The following DOCK4 variants were observed in gnomAD, a reference collection of about 807,000 sequenced individuals.
DOCK4 encodes dedicator of cytokinesis 4.
In DOCK4, 97 loss-of-function variants were observed where a neutral mutation model predicts 268.1. That is an observed-to-expected ratio of 0.36 (90% CI 0.31 to 0.43). The LOEUF (loss-of-function observed/expected upper bound fraction) is 0.43. DOCK4 is among the 20% of genes least tolerant of loss of function. The pLI, the probability that DOCK4 is intolerant of heterozygous loss-of-function variation, is 1.00. For missense variants in DOCK4, 2,145 were observed against 2,455.7 expected (o/e 0.87, Z 2.67); for synonymous variants, 954 against 887.2 (o/e 1.08, Z -1.34).
chr7:112,181,576 A>C (rs1211310385), intron 1 of DOCK4, among the ~76,000 whole-genome samples: 3 of 145,930 alleles, frequency 2.1e-5, no homozygotes, highest in African/African-American at 7.6e-5. Context: ...GGAGTTCCAG[A>C]CTGCAGTGAG....
chr7:111,858,719 C>T (rs1332452443), intron 23 of DOCK4, among the ~76,000 whole-genome samples: 1 of 152,074 alleles, frequency 6.6e-6, no homozygotes, highest in South Asian at 2.1e-4. Flanking sequence ...TATGAGATTT[C>T]TCAGCCTCTA....
intron 12 of DOCK4, among the ~76,000 whole-genome samples, chr7:111,931,906 C>T (rs1794234306): frequency 4.6e-5 from 7 of 152,142 alleles, no homozygotes; most frequent in Admixed American, 4.6e-4. Flanking sequence ...GGACATCCTG[C>T]TTGCAGAGAA....
chr7:111,856,634 G>C (rs1805037919), intron 23 of DOCK4, among the ~76,000 whole-genome samples: 2 of 152,198 alleles, frequency 1.3e-5, no homozygotes, highest in Non-Finnish European at 2.9e-5. Flanking sequence ...TAAACTTTCA[G>C]CAAGTGCTTT....
At chr7:111,740,980 T>A in intron 47 of DOCK4, 114 bp downstream of exon 47, 1 of 1,320,468 alleles carries the variant, frequency 7.6e-7, no homozygotes, top group Non-Finnish European at 1.0e-6. Context: ...GGTTTGTCCT[T>A]AAGCCAAGTT....
intron 8 of DOCK4, among the ~76,000 whole-genome samples, chr7:111,956,652 A>T (rs1333452947): frequency 6.6e-6 from 1 of 152,198 alleles, no homozygotes; most frequent in South Asian, 2.1e-4. Flanking sequence ...TGAGATGAAT[A>T]CATAATTGAC....
intron 34 of DOCK4, 86 bp from the exon 35 acceptor site, chr7:111,783,010 GAAAGAAAGA>G: frequency 1.9e-6 from 1 of 526,392 alleles, no homozygotes; most frequent in Non-Finnish European, 2.8e-6. Flanking sequence ...AAAAAAGAAA[GAAAGAAAGA>G]AAAAAAAAAA....
intron 1 of DOCK4, among the ~76,000 whole-genome samples, chr7:112,187,838 G>A (rs917749407): frequency 1.3e-5 from 2 of 151,988 alleles, no homozygotes; most frequent in Non-Finnish European, 2.9e-5. Flanking sequence ...TGACAGCTAA[G>A]TGCAATATTA....
chr7:112,145,088 G>A (rs1470653177), intron 1 of DOCK4, among the ~76,000 whole-genome samples: 1 of 152,158 alleles, frequency 6.6e-6, no homozygotes, highest in Admixed American at 6.6e-5. Context: ...GAGGAAAGTT[G>A]CAGGTGGTTC....
rs867277352 is a variant in DOCK4 at position 112,066,702 on chromosome 7, T to C, written c.38-62571A>G. Among the ~76,000 whole-genome samples, 133 of 44,394 alleles carry C rather than the reference T, an allele frequency of 3.0e-3. 3 individuals carry two copies. Among genetic ancestry groups the C allele is most frequent in the African/African-American group, 8.4e-3 (106 of 12,592 alleles). The allele number at this position is 44,394 out of a possible 152,430, so 29.1% of individuals were successfully genotyped here. On this transcript the variant is annotated intron_variant, in intron 1 of 52. Coordinates refer to ENST00000428084, the MANE Select transcript of DOCK4 (RefSeq NM_001363540.2). ...ATATATACATATACATATATATATATATATATATATATATATATATATATA... is the reference window on the plus strand; with the variant it reads ...ATATATACATATACATATATATATACATATATATATATATATATATATATA...
chr7:111,806,517 C>T (rs994209723), intron 30 of DOCK4, among the ~76,000 whole-genome samples: 2 of 152,172 alleles, frequency 1.3e-5, no homozygotes, highest in African/African-American at 2.4e-5. Context: ...GCTGACCCTA[C>T]GCTTGAACCA....
At chr7:111,875,177 G>A (rs900636843) in intron 17 of DOCK4, among the ~76,000 whole-genome samples, 4 of 152,008 alleles carry the variant, frequency 2.6e-5, no homozygotes, top group African/African-American at 7.3e-5. Context: ...ACACTTATCC[G>A]TCTCCAAAGA....
chr7:111,763,094 A>G (rs758233854), intron 39 of DOCK4, among the ~76,000 whole-genome samples: 8 of 150,972 alleles, frequency 5.3e-5, no homozygotes, highest in African/African-American at 7.4e-5. Flanking sequence ...ATGAGGGGAA[A>G]AATCCCTACT....
At chr7:111,971,855 G>T in intron 8 of DOCK4, 1 of 272,594 alleles carries the variant, frequency 3.7e-6, no homozygotes, top group East Asian at 1.1e-4. Flanking sequence ...CACAAAGCCA[G>T]GGAGGTCCCT....
Position 111,895,665 on chromosome 7 carries a change from G to A in DOCK4, c.1534C>T (p.Gln512Ter). The A allele has an allele frequency of 6.2e-7, 1 of 1,613,866 alleles. No homozygotes were observed. The highest frequency in any genetic ancestry group is 8.5e-7 in the Non-Finnish European group (1 of 1,179,862). Reference protein sequence around the residue: ...LFGFSFVPLMQEDGRTLPDGT... With the variant: ...LFGFSFVPLM ...TCTGGAAGAGTCCTACCATCTTCTT[G>A]CATCAGAGGGACAAAAGAAAACCCA... Residue 512 changes from glutamine (Q) to a stop codon, truncating the protein, a stop_gained, in exon 16 of 53, where the codon CAA becomes TAA. Coordinates refer to ENST00000428084, the MANE Select transcript of DOCK4 (RefSeq NM_001363540.2). LOFTEE classifies it high-confidence loss of function.
At chr7:112,094,421 G>T (rs965007052) in intron 1 of DOCK4, among the ~76,000 whole-genome samples, 4 of 152,138 alleles carry the variant, frequency 2.6e-5, no homozygotes, top group African/African-American at 9.7e-5. Flanking sequence ...CAAAAATTTT[G>T]AGTTTACATC....
At chr7:111,751,241 T>C (rs1185741596) in intron 42 of DOCK4, among the ~76,000 whole-genome samples, 1 of 152,186 alleles carries the variant, frequency 6.6e-6, no homozygotes, top group Non-Finnish European at 1.5e-5. Context: ...ACATGTTATA[T>C]GACTTCACTG....
At chr7:111,869,171 T>C (rs1325671413) in intron 21 of DOCK4, among the ~76,000 whole-genome samples, 2 of 152,192 alleles carry the variant, frequency 1.3e-5, no homozygotes, top group African/African-American at 4.8e-5. Flanking sequence ...TAATCCCCGC[T>C]AAGCCACCCT....
At chr7:112,177,400 A>G (rs1818628936) in intron 1 of DOCK4, among the ~76,000 whole-genome samples, 1 of 152,256 alleles carries the variant, frequency 6.6e-6, no homozygotes, top group Non-Finnish European at 1.5e-5. Flanking sequence ...TTAGCCTGAT[A>G]CCTGGCAAAC....
Position 111,843,926 on chromosome 7 carries a change from A to G in DOCK4, c.2736+837T>C, listed in dbSNP as rs192922343. 2.4e-3 allele frequency among the ~76,000 whole-genome samples: 371 copies of G among 152,268 alleles called. 1 individual carries two copies. Among genetic ancestry groups the G allele is most frequent in the African/African-American group, 8.7e-3 (362 of 41,564 alleles). ...GATATAAAACATGTTTGTTAAAGGA[A>G]CTTGGAATAAGCAGTTTTTAATTGC... On this transcript the variant is annotated intron_variant, in intron 25 of 52. Coordinates refer to ENST00000428084, the MANE Select transcript of DOCK4 (RefSeq NM_001363540.2).
Sources: gnomAD v4.1 joint callset for allele counts (sites outside exome capture counted in the v4.1 genomes callset) on GRCh38, gnomAD v4.1.1 for gene constraint, MANE v1.5 for transcripts, NCBI Gene and HGNC (gene_info 2026-07-23, HGNC 2026-07-21) for gene names.